Variants in POLR1A observed in about 807,000 individuals in gnomAD.
POLR1A encodes DNA-directed RNA polymerase I subunit RPA1.
Under a neutral mutation model 205.3 loss-of-function variants are expected in POLR1A, and 84 were observed. The observed-to-expected ratio is 0.41, with a 90% CI of 0.34 to 0.49. The LOEUF is 0.49. Ranked by LOEUF, POLR1A falls within the 20% of genes least tolerant of loss-of-function variation. POLR1A has a pLI of 0.22. For missense variants in POLR1A, 1,645 were observed against 2,204.5 expected (o/e 0.75, Z 5.08); for synonymous variants, 799 against 863.7 (o/e 0.93, Z 1.31).
chr2:86,060,496 G>A (rs564368107), intron 14 of POLR1A, among the ~76,000 whole-genome samples: 1 of 152,280 alleles, frequency 6.6e-6, no homozygotes, highest in South Asian at 2.1e-4. Flanking sequence ...TGTGCTGTTG[G>A]TGCAATGGAA....
chr2:86,031,318 G>A lies in POLR1A; in HGVS notation c.4578+12C>T, dbSNP rs992891122. The A allele has an allele frequency of 2.1e-5, 33 of 1,535,734 alleles. 1 individual carries two copies. Among genetic ancestry groups the A allele is most frequent in the South Asian group, 1.1e-4 (9 of 79,564 alleles). On this transcript the variant is annotated intron_variant, in intron 30 of 33. Transcript: ENST00000263857. ...CAACCACCCAAGCCCTGGCCTGCAC[G>A]GCCACACTGACCTGGCACCACAGGC...
At chr2:86,034,939 C>T (rs1289628831) in intron 27 of POLR1A, among the ~76,000 whole-genome samples, 1 of 152,120 alleles carries the variant, frequency 6.6e-6, no homozygotes, top group Non-Finnish European at 1.5e-5. Context: ...GGTGCGACCT[C>T]GGCTCACTGC....
intron 3 of POLR1A, among the ~76,000 whole-genome samples, chr2:86,094,857 A>T (rs1453318133): frequency 6.6e-6 from 1 of 151,544 alleles, no homozygotes; most frequent in Admixed American, 6.6e-5. Flanking sequence ...CTCGGTGTGG[A>T]GCCCTCACCC....
At position 86,041,987 on chromosome 2, in the gene POLR1A, T is replaced by G. The variant is rs1342916635; in HGVS notation, c.3474A>C (p.Ser1158=). The part of the protein sequence containing the change: ...SVWRPDIYFA[S]VSETFETKVD... ...CCTTTGTTTCAAATGTTTCTGACAC[T>G]GATGCAAAGTAGATGTCAGGACGCC... Residue 1158 remains serine (S), a synonymous_variant, in exon 24 of 34, where the codon TCA becomes TCC. Transcript: ENST00000263857. 1 of 1,614,126 alleles carries G rather than the reference T, an allele frequency of 6.2e-7. No homozygotes were observed. Among genetic ancestry groups the G allele is most frequent in the Non-Finnish European group, 8.5e-7 (1 of 1,179,966 alleles).
At chr2:86,073,395 G>A (rs1056373178) in intron 12 of POLR1A, among the ~76,000 whole-genome samples, 2 of 152,058 alleles carry the variant, frequency 1.3e-5, no homozygotes, top group Admixed American at 6.6e-5. Context: ...GCATGGCCCA[G>A]GACCACAGAA....
chr2:86,029,901 G>A (rs565081921), intron 31 of POLR1A, among the ~76,000 whole-genome samples: 8 of 152,224 alleles, frequency 5.3e-5, no homozygotes, highest in Middle Eastern at 3.4e-3. Flanking sequence ...CGCCCGGCCC[G>A]AGGGTCTTAA....
chr2:86,050,068 C>T (rs1468682228), intron 16 of POLR1A, among the ~76,000 whole-genome samples: 1 of 152,092 alleles, frequency 6.6e-6, no homozygotes, highest in Admixed American at 6.6e-5. Context: ...CAGGTGCACG[C>T]CACCACACCC....
rs1464117097 is a variant in POLR1A at position 86,030,849 on chromosome 2, A to T, written c.4579-453T>A. 3.9e-5 allele frequency among the ~76,000 whole-genome samples: 6 copies of T among 152,192 alleles called. No homozygotes were observed. The East Asian group carries it at 1.2e-3, about 29-fold the overall frequency. On this transcript the variant is annotated intron_variant, in intron 30 of 33. Coordinates refer to ENST00000263857, the MANE Select transcript of POLR1A (RefSeq NM_015425.6). ...CATCCAGGCTTTAAGGGAACCATGA[A>T]ATCCCTAAAAAGATGGTGGCAGGGG...
chr2:86,097,651 CTGCAAG>C (rs1673731305), intron 3 of POLR1A, among the ~76,000 whole-genome samples: 1 of 152,146 alleles, frequency 6.6e-6, no homozygotes, highest in African/African-American at 2.4e-5. Flanking sequence ...AAGTTAAACA[CTGCAAG>C]TTCCTACTCA....
chr2:86,079,947 T>C (rs1458540249), intron 9 of POLR1A, among the ~76,000 whole-genome samples: 1 of 152,180 alleles, frequency 6.6e-6, no homozygotes, highest in African/African-American at 2.4e-5. Context: ...CACTAAGGCA[T>C]GCACATGGCT....
rs1011178944 is a variant in POLR1A, at chr2:86,034,677, G to A, written c.4035-890C>T. Among the ~76,000 whole-genome samples, 8 of 152,190 alleles carry A rather than the reference G, an allele frequency of 5.3e-5. No individual in the cohort carries two copies. In the East Asian group the frequency reaches 1.4e-3, roughly 26 times the overall value. On this transcript the variant is annotated intron_variant, in intron 27 of 33. Coordinates refer to ENST00000263857, the MANE Select transcript of POLR1A (RefSeq NM_015425.6). ...GGGTCCCTCACACATCCAGCCAGCC[G>A]TCCCACTTTCTCTGAGCGCCTATAC... is the stretch of plus-strand genomic sequence containing the variant.
chr2:86,033,953 C>T (rs1211830979), intron 27 of POLR1A, among the ~76,000 whole-genome samples, 166 bp from the exon 28 acceptor site: 3 of 152,132 alleles, frequency 2.0e-5, no homozygotes, highest in South Asian at 4.1e-4. Flanking sequence ...GTTTTGGAAC[C>T]GTCTCTGGCG....
At chr2:86,052,769 G>A (rs763223432) in intron 16 of POLR1A, 48 bp downstream of exon 16, 27 of 1,416,476 alleles carry the variant, frequency 1.9e-5, no homozygotes, top group East Asian at 2.6e-5. Flanking sequence ...ATGGCCAGGC[G>A]GCTGCGCTGA....
intron 14 of POLR1A, among the ~76,000 whole-genome samples, chr2:86,064,857 G>A (rs1290059916): frequency 6.6e-6 from 1 of 151,620 alleles, no homozygotes; most frequent in Non-Finnish European, 1.5e-5. Context: ...GGGTTCAAGC[G>A]ATTCTCTTGC....
At chr2:86,099,923 T>A in intron 2 of POLR1A, 45 bp downstream of exon 2, 1 of 1,540,530 alleles carries the variant, frequency 6.5e-7, no homozygotes. Context: ...CACTCACAAA[T>A]CCCACCAGCA....
chr2:86,029,241 G>A (rs1013066985), intron 31 of POLR1A, among the ~76,000 whole-genome samples: 2 of 152,186 alleles, frequency 1.3e-5, no homozygotes, highest in Non-Finnish European at 2.9e-5. Flanking sequence ...GGAAGTGTTT[G>A]GTAAAAGGGT....
chr2:86,105,652 G>A, intron 1 of POLR1A, 48 bp downstream of exon 1: 5 of 1,315,142 alleles, frequency 3.8e-6, no homozygotes, highest in Non-Finnish European at 4.4e-6. Context: ...AGTTTAGGGC[G>A]CCGACCTCAA....
In POLR1A at chr2:86,022,351, C is replaced by G. The variant is rs144293866; in HGVS notation, c.*5072G>C. 1 of 152,344 alleles carries G rather than the reference C, an allele frequency of 6.6e-6. No homozygotes were observed. 9.4% of individuals were successfully genotyped at this position (152,344 alleles called of 1,614,324 possible). A position where few individuals can be genotyped will look rare whatever the true frequency, so the allele number is the denominator to read the frequency against. Reference sequence around the variant, plus strand: ...ATGGCACGATGACAGCTTTACTGCACGTGCACTCACTTGAGGGCAGAGATC... The same window carrying G: ...ATGGCACGATGACAGCTTTACTGCAGGTGCACTCACTTGAGGGCAGAGATC... On this transcript the variant is annotated 3_prime_UTR_variant, in exon 34 of 34. Transcript: ENST00000263857.
intron 3 of POLR1A, among the ~76,000 whole-genome samples, 154 bp from the exon 4 acceptor site, chr2:86,090,083 C>T (rs746791276): frequency 5.9e-5 from 9 of 152,096 alleles, no homozygotes; most frequent in Non-Finnish European, 1.3e-4. Flanking sequence ...AAGAGTGAGA[C>T]AGCATCGCTG....
Sources: allele counts gnomAD v4.1 joint callset (sites outside exome capture counted in the v4.1 genomes callset), GRCh38; gene constraint gnomAD v4.1.1; transcripts MANE v1.5; gene names NCBI Gene and HGNC (gene_info 2026-07-23, HGNC 2026-07-21).